The following CLCN2 variants were observed in gnomAD, a reference collection of about 807,000 sequenced individuals.
CLCN2 encodes chloride voltage-gated channel 2, also known as chloride channel protein 2.
A neutral mutation model predicts 108.3 loss-of-function variants in CLCN2; 72 were observed. That is an observed-to-expected ratio of 0.66 (90% CI 0.55 to 0.81). The LOEUF (loss-of-function observed/expected upper bound fraction) is 0.81, where lower values mean the gene tolerates loss of function less well. Ranked by LOEUF, CLCN2 falls within the 30% of genes least tolerant of loss-of-function variation. CLCN2 has a pLI of 0.00. For missense variants in CLCN2, 1,048 were observed against 1,205.2 expected (o/e 0.87, Z 1.93); for synonymous variants, 471 against 467.1 (o/e 1.01, Z -0.11).
At chr3:184,360,805 A>T (rs138923891) in intron 1 of CLCN2, among the ~76,000 whole-genome samples, 144 of 152,320 alleles carry the variant, frequency 9.5e-4, no homozygotes, top group African/African-American at 3.3e-3. Flanking sequence ...ACCCCGCATC[A>T]GCATAGACAA....
At chr3:184,354,717 A>T in intron 13 of CLCN2, 59 bp from the exon 14 acceptor site, 1 of 1,393,730 alleles carries the variant, frequency 7.2e-7, no homozygotes, top group African/African-American at 1.4e-5. Context: ...AGGGGGCACT[A>T]GGAAGAGAGA....
chr3:184,359,725 T>TCTCA (rs1227512841), intron 1 of CLCN2, among the ~76,000 whole-genome samples: 1 of 151,432 alleles, frequency 6.6e-6, no homozygotes, highest in Non-Finnish European at 1.5e-5. Context: ...GTGGAAAGCC[T>TCTCA]CTCACTTAGG....
Position 184,357,555 on chromosome 3 carries a change from G to A in CLCN2, c.772+65C>T, listed in dbSNP as rs1204684699. On this transcript the variant is annotated intron_variant, in intron 7 of 23. Coordinates refer to ENST00000265593, the MANE Select transcript of CLCN2 (RefSeq NM_004366.6). ...CCTAAGGCCTCAGACCCAGATAAGA[G>A]GGGCCAAGGAGGAGAGGCCAAGGGC... is the stretch of plus-strand genomic sequence containing the variant. 4.3e-6 allele frequency: 7 copies of A among 1,613,900 alleles called. No homozygotes were observed. The East Asian group carries it at 8.9e-5, about 21-fold the overall frequency.
At position 184,361,135 on chromosome 3, in the gene CLCN2, G is replaced by A. The variant is rs1351238069; in HGVS notation, c.63+282C>T. Among the ~76,000 whole-genome samples the A allele has an allele frequency of 6.6e-6, 1 of 152,200 alleles. No individual in the cohort carries two copies. The highest frequency in any genetic ancestry group is 1.5e-5 in the Non-Finnish European group (1 of 68,024). On this transcript the variant is annotated intron_variant, in intron 1 of 23. Coordinates refer to ENST00000265593, the MANE Select transcript of CLCN2 (RefSeq NM_004366.6). This position sits in a 1 kb window ranked among gnomAD's most constrained non-coding sequence, Gnocchi z 6.6. ...CTGAGACTTGGGCCCAGGTGGTGAA[G>A]GGGAGGTGCAAAGAAAACGTGCATG...
chr3:184,351,977 G>T, intron 22 of CLCN2, 36 bp downstream of exon 22: 1 of 1,479,124 alleles, frequency 6.8e-7, no homozygotes, highest in Non-Finnish European at 9.4e-7. Context: ...TGTCCTGAGA[G>T]CCTAGACCAG....
rs1727657466 is a variant in CLCN2, at chr3:184,346,233, ATTTGT to A, written c.*368_*372del. The A allele has an allele frequency of 3.8e-6, 1 of 261,522 alleles. No individual in the cohort carries two copies. Among genetic ancestry groups the A allele is most frequent in the Non-Finnish European group, 7.5e-6 (1 of 133,354 alleles). 16.2% of individuals were successfully genotyped at this position (261,522 alleles called of 1,614,324 possible). ...GGTGTTTATTTTGTTCTATTTAAGA[ATTTGT>A]TTTATTAAATTAATATAAAAATCTT... On this transcript the variant is annotated 3_prime_UTR_variant, in exon 24 of 24. Coordinates refer to ENST00000265593, the MANE Select transcript of CLCN2 (RefSeq NM_004366.6). This position sits in a 1 kb window ranked among gnomAD's most constrained non-coding sequence, Gnocchi z 6.0.
In CLCN2 at chr3:184,353,284, C is replaced by G; in HGVS notation, c.1994G>C (p.Gly665Ala). The change falls in exon 17 of 24, where the codon GGT (glycine) becomes GCT (alanine). Residue 665 changes from glycine to alanine, a missense_variant. By Grantham distance (60) the Gly-to-Ala change is moderately conservative (BLOSUM62 0). Coordinates refer to ENST00000265593, the MANE Select transcript of CLCN2 (RefSeq NM_004366.6). ...GACAGAAGCCTCAGGGGTAGGGGGA[C>G]CCTCCTGATCAGATAGTGGAGAGGT... is the stretch of plus-strand genomic sequence containing the variant. ...TQTSPLSDQEGPPTPEASVCF... is the reference protein window; with the variant it reads ...TQTSPLSDQEAPPTPEASVCF... 1 of 1,613,902 alleles carries G rather than the reference C, an allele frequency of 6.2e-7. No individual in the cohort carries two copies. The highest frequency in any genetic ancestry group is 8.5e-7 in the Non-Finnish European group (1 of 1,180,020).
Position 184,358,639 on chromosome 3 carries a change from G to T in CLCN2, c.352+43C>A, listed in dbSNP as rs1419634223. On this transcript the variant is annotated intron_variant, in intron 3 of 23. Coordinates refer to ENST00000265593, the MANE Select transcript of CLCN2 (RefSeq NM_004366.6). ...CTAGACGAGTGTGGCATGGACGCAG[G>T]AGGTTTATTCCCAGTCCTCCCCCTG... The T allele has an allele frequency of 2.6e-6, 4 of 1,553,474 alleles. No homozygotes were observed. The South Asian group carries it at 4.7e-5, about 18-fold the overall frequency.
rs1727706507 is a variant in CLCN2 at position 184,346,815 on chromosome 3, G to A, written c.2503-15C>T. On this transcript the variant is annotated splice_polypyrimidine_tract_variant and intron_variant, in intron 23 of 23. Coordinates refer to ENST00000265593, the MANE Select transcript of CLCN2 (RefSeq NM_004366.6). The surrounding 1 kb of genome is among the most constrained non-coding windows in gnomAD (Gnocchi z 6.0). ...GCCTTCCGGAGCTGGAAAGGTGAGA[G>A]GGACAGATGTCTGGACCCAGATGTC... is the stretch of plus-strand genomic sequence containing the variant. 5 of 1,613,880 alleles carry A rather than the reference G, an allele frequency of 3.1e-6. No individual in the cohort carries two copies. The highest frequency in any genetic ancestry group is 1.1e-5 in the South Asian group (1 of 91,088).
rs71318369 is a variant in CLCN2 at position 184,357,688 on chromosome 3, C to T, written c.704G>A (p.Arg235Gln). The T allele has an allele frequency of 1.4e-3, 2,204 of 1,614,112 alleles. 2 individuals carry two copies. Among genetic ancestry groups the T allele is most frequent in the Non-Finnish European group, 1.5e-3 (1,824 of 1,180,036 alleles). ...GGCGGCAGCCAGCATCTCTGTGTTC[C>T]GGGATTCATTCTGGCGAGAGTGGTG... ...LFGGIYENESRNTEMLAAACA... is the reference protein window; with the variant it reads ...LFGGIYENESQNTEMLAAACA... Residue 235 changes from arginine (R) to glutamine (Q), a missense_variant, in exon 7 of 24, where the codon CGG becomes CAG. Arg to Gln is a conservative substitution (Grantham distance 43, BLOSUM62 1). Transcript: ENST00000265593.
Position 184,355,184 on chromosome 3 carries a change from C to A in CLCN2, c.1326+190G>T, listed in dbSNP as rs111469723. On this transcript the variant is annotated intron_variant, in intron 12 of 23. Coordinates refer to ENST00000265593, the MANE Select transcript of CLCN2 (RefSeq NM_004366.6). The surrounding 1 kb of genome is among the most constrained non-coding windows in gnomAD (Gnocchi z 6.3). ...AGCAGATGGCTTGGGTTCAGATCAT[C>A]GCTCTGCCCTCTAGCTGTGTGACTT... 2.5e-6 allele frequency: 2 copies of A among 792,718 alleles called. No individual in the cohort carries two copies. Among genetic ancestry groups the A allele is most frequent in the African/African-American group, 3.4e-5 (2 of 58,544 alleles). 49.1% of individuals were successfully genotyped at this position (792,718 alleles called of 1,614,324 possible).
chr3:184,352,219 A>T (rs1286389329), intron 21 of CLCN2, 74 bp downstream of exon 21: 18 of 1,607,582 alleles, frequency 1.1e-5, no homozygotes, highest in Non-Finnish European at 1.7e-6. Flanking sequence ...GGTCCCTCCC[A>T]TGGGGACAGC....
intron 14 of CLCN2, 78 bp downstream of exon 14, chr3:184,354,470 G>A: frequency 7.3e-7 from 1 of 1,370,224 alleles, no homozygotes; most frequent in Non-Finnish European, 1.0e-6. Context: ...GCCAGCAGGG[G>A]GCACCAGAGT....
intron 3 of CLCN2, 82 bp downstream of exon 3, chr3:184,358,600 G>A (rs1259550264): frequency 3.9e-6 from 6 of 1,526,722 alleles, no homozygotes; most frequent in Admixed American, 3.9e-5. Flanking sequence ...AAGCCAAGAC[G>A]CCTTCCTCCA....
intron 22 of CLCN2, among the ~76,000 whole-genome samples, chr3:184,351,586 C>A (rs1728098652): frequency 6.6e-6 from 1 of 152,240 alleles, no homozygotes; most frequent in African/African-American, 2.4e-5. Context: ...CTCCCCACCC[C>A]TACTTGGATG....
In CLCN2 at chr3:184,354,537, G is replaced by A. The variant is rs548777691; in HGVS notation, c.1507+11C>T. ...GGGTCTCCCAAGGCCGATGGGACCT[G>A]AGGCACTCACCGACCACAGCGTAGC... On this transcript the variant is annotated intron_variant, in intron 14 of 23. Coordinates refer to ENST00000265593, the MANE Select transcript of CLCN2 (RefSeq NM_004366.6). 14 of 1,607,438 alleles carry A rather than the reference G, an allele frequency of 8.7e-6. No homozygotes were observed. Among genetic ancestry groups the A allele is most frequent in the South Asian group, 3.3e-5 (3 of 90,980 alleles).
Position 184,357,093 on chromosome 3 carries a change from T to C in CLCN2, c.985A>G (p.Ile329Val), listed in dbSNP as rs777160841. Reference sequence around the variant, plus strand: ...AGGGCTCCACCGAAGCCACTAGCAATACTGGAAAGGGAAGAGGCACCTGAG... The same window carrying C: ...AGGGCTCCACCGAAGCCACTAGCAACACTGGAAAGGGAAGAGGCACCTGAG... ...QELPAFAVIG[I>V]ASGFGGALFV... The change falls in exon 10 of 24, where the codon ATT becomes GTT. Residue 329 changes from isoleucine (I) to valine (V), a missense_variant and splice_region_variant. By Grantham distance (29) the Ile-to-Val change is conservative (BLOSUM62 3). Transcript: ENST00000265593. 2 of 1,613,174 alleles carry C rather than the reference T, an allele frequency of 1.2e-6. No individual in the cohort carries two copies. The highest frequency in any genetic ancestry group is 1.7e-6 in the Non-Finnish European group (2 of 1,179,500).
rs776725593 is a variant in CLCN2 at position 184,352,077 on chromosome 3, T to C, written c.2351A>G (p.Asn784Ser). The C allele has an allele frequency of 2.5e-6, 4 of 1,613,748 alleles. No individual in the cohort carries two copies. Among genetic ancestry groups the C allele is most frequent in the East Asian group, 2.2e-5 (1 of 44,878 alleles). The change falls in exon 22 of 24, where the codon AAC becomes AGC. Residue 784 changes from asparagine (N) to serine (S), a missense_variant. Coordinates refer to ENST00000265593, the MANE Select transcript of CLCN2 (RefSeq NM_004366.6). ...AGGATCAATTTTGCAGTCACTGAAG[T>C]TGACAGGTTCATCTAGTTGCTGCTC... The part of the protein sequence containing the change: ...WEEQQLDEPV[N>S]FSDCKIDPAP...
intron 2 of CLCN2, 75 bp downstream of exon 2, chr3:184,358,900 C>T: frequency 6.2e-7 from 1 of 1,613,472 alleles, no homozygotes; most frequent in Non-Finnish European, 8.5e-7. Context: ...CCCTCTCCCC[C>T]ATCAGCAGCT....
Sources: allele counts gnomAD v4.1 joint callset (sites outside exome capture counted in the v4.1 genomes callset), GRCh38; gene constraint gnomAD v4.1.1; non-coding constraint Gnocchi (gnomAD v3.1); transcripts MANE v1.5; gene names NCBI Gene and HGNC (gene_info 2026-07-23, HGNC 2026-07-21).